The following TPO variants were observed in gnomAD, a reference collection of about 807,000 sequenced individuals.
TPO encodes the protein thyroid microsomal antigen.
A neutral mutation model predicts 96.9 loss-of-function variants in TPO; 78 were observed. The ratio of observed to expected loss-of-function variants is 0.81; its 90% CI spans 0.67 to 0.97. The LOEUF (loss-of-function observed/expected upper bound fraction) is 0.97, where lower values mean the gene tolerates loss of function less well. Among genes scored for constraint, TPO ranks in the 50% least tolerant of loss-of-function variants. The pLI is 0.00. For synonymous variants in TPO, 547 were observed against 538.0 expected (o/e 1.02, Z -0.23); for missense variants, 1,252 against 1,274.8 (o/e 0.98, Z 0.27).
rs1680940790 is a variant in TPO, at chr2:1,543,525, G to A, written c.*1051G>A. The stretch of plus-strand genomic sequence containing the variant: ...CTCTACTGTTATGTAGAGAAAGCAT[G>A]GTTTGCTTTTTATAACTTTTGTGAC... On this transcript the variant is annotated 3_prime_UTR_variant, in exon 17 of 17. Coordinates refer to ENST00000329066, the MANE Select transcript of TPO (RefSeq NM_001206744.2). 6.6e-6 allele frequency: 1 copy of A among 152,092 alleles called. No individual in the cohort carries two copies. The highest frequency in any genetic ancestry group is 2.4e-5 in the African/African-American group (1 of 41,418). The allele number at this position is 152,092 out of a possible 1,614,324, so 9.4% of individuals were successfully genotyped here.
Position 1,540,684 on chromosome 2 carries a change from GACCTC to G in TPO, c.2713_2717del (p.Ser905AlafsTer74). ...GATGCGGAAAGCACCAGGCCGTAGG[GACCTC>G]ACCGCAGCGGGCCGCAGCTCAGGAC... On this transcript the variant is annotated frameshift_variant, in exon 16 of 17. Transcript: ENST00000329066. LOFTEE classifies it low-confidence loss of function (END_TRUNC). 6.2e-7 allele frequency: 1 copy of G among 1,613,304 alleles called. No individual in the cohort carries two copies. Among genetic ancestry groups the G allele is most frequent in the Non-Finnish European group, 8.5e-7 (1 of 1,180,052 alleles).
chr2:1,489,986 A>C (rs530037593), intron 10 of TPO, among the ~76,000 whole-genome samples: 22 of 119,662 alleles, frequency 1.8e-4, no homozygotes, highest in African/African-American at 6.7e-4. Context: ...ACACAGGGGG[A>C]GTCACGACAC....
intron 1 of TPO, among the ~76,000 whole-genome samples, chr2:1,383,794 G>C (rs926660301): frequency 9.9e-5 from 15 of 152,136 alleles, no homozygotes; most frequent in Non-Finnish European, 1.5e-4. Context: ...TGACGTCCTT[G>C]CCCATGCCTA....
At chr2:1,482,231 C>T (rs1397470600) in intron 8 of TPO, among the ~76,000 whole-genome samples, 1 of 152,228 alleles carries the variant, frequency 6.6e-6, no homozygotes, top group Non-Finnish European at 1.5e-5. Flanking sequence ...GTCCTGGTCT[C>T]CCCGTGTGCT....
intron 1 of TPO, among the ~76,000 whole-genome samples, chr2:1,376,156 T>C (rs561447907): frequency 2.0e-5 from 3 of 152,270 alleles, no homozygotes; most frequent in South Asian, 2.1e-4. Flanking sequence ...AAATTATCCA[T>C]TGTAGAGCTA....
At chr2:1,395,108 C>T (rs1195238404) in intron 1 of TPO, among the ~76,000 whole-genome samples, 2 of 152,118 alleles carry the variant, frequency 1.3e-5, no homozygotes, top group Non-Finnish European at 1.5e-5. Flanking sequence ...GCAAAACAAA[C>T]ACAAACAAAG....
chr2:1,525,461 C>A (rs1573550690), intron 15 of TPO, among the ~76,000 whole-genome samples: 1 of 101,090 alleles, frequency 9.9e-6, no homozygotes, highest in Admixed American at 1.1e-4. Context: ...GTTTGCAACA[C>A]CCCCAAATTT....
At chr2:1,541,598 C>G (rs1348811401) in intron 16 of TPO, 1 of 152,252 alleles carries the variant, frequency 6.6e-6, no homozygotes, top group Admixed American at 6.5e-5. Flanking sequence ...CCCAAGAGAT[C>G]CTCCAGTCTG....
At chr2:1,493,773 A>G (rs1371848502) in intron 10 of TPO, 29 bp from the exon 11 acceptor site, 5 of 1,612,848 alleles carry the variant, frequency 3.1e-6, no homozygotes, top group Non-Finnish European at 3.4e-6. Flanking sequence ...GTTCTGTGAG[A>G]GAAACCCTGC....
chr2:1,422,625 CAAAT>C (rs71886300), intron 2 of TPO, among the ~76,000 whole-genome samples: 2,439 of 152,248 alleles, frequency 0.016, 78 homozygotes, highest in African/African-American at 0.055. Flanking sequence ...GGTGCTAAAA[CAAAT>C]AACACAGGAG....
At chr2:1,530,219 T>C (rs74400168) in intron 15 of TPO, among the ~76,000 whole-genome samples, 1 of 8,964 alleles carries the variant, frequency 1.1e-4, no homozygotes, top group Non-Finnish European at 1.8e-4. Context: ...GTGTGCAACC[T>C]CCTCTAGTCC....
chr2:1,461,793 G>C (rs547780983), intron 7 of TPO, among the ~76,000 whole-genome samples: 23 of 152,228 alleles, frequency 1.5e-4, no homozygotes, highest in Non-Finnish European at 2.6e-4. Flanking sequence ...CATGCACACA[G>C]CTGCTCCAGG....
rs180898886 is a variant in TPO at position 1,439,661 on chromosome 2, C to T, written c.482+3277C>T. On this transcript the variant is annotated intron_variant, in intron 5 of 16. Transcript: ENST00000329066. ...AGATACAGCCTCGTGGTCATCAGAC[C>T]CCAGGTCGCTGCTGTCTCTGGAGTT... Among the ~76,000 whole-genome samples, 7 of 152,226 alleles carry T rather than the reference C, an allele frequency of 4.6e-5. No homozygotes were observed. The East Asian group carries it at 1.4e-3, about 30-fold the overall frequency.
intron 14 of TPO, among the ~76,000 whole-genome samples, chr2:1,513,807 G>A (rs1032348457): frequency 2.0e-5 from 3 of 152,162 alleles, no homozygotes; most frequent in South Asian, 2.1e-4. Context: ...TATAGATACT[G>A]ATTGTGGGTA....
chr2:1,442,424 C>A (rs1666289095), intron 5 of TPO, among the ~76,000 whole-genome samples: 1 of 152,024 alleles, frequency 6.6e-6, no homozygotes. Flanking sequence ...TTACCACATG[C>A]AATGTTAGAC....
chr2:1,460,466 C>T (rs1021765894), intron 7 of TPO, among the ~76,000 whole-genome samples: 11 of 152,146 alleles, frequency 7.2e-5, no homozygotes, highest in African/African-American at 2.7e-4. Flanking sequence ...TCTTGGGTTC[C>T]AGGCTTGCCT....
At chr2:1,482,303 A>T (rs1670725755) in intron 8 of TPO, among the ~76,000 whole-genome samples, 1 of 152,166 alleles carries the variant, frequency 6.6e-6, no homozygotes, top group Non-Finnish European at 1.5e-5. Context: ...CCTTTCAGTC[A>T]TTCCCACTGG....
intron 1 of TPO, among the ~76,000 whole-genome samples, chr2:1,387,644 C>T (rs138110280): frequency 0.012 from 1,820 of 152,278 alleles, 41 homozygotes; most frequent in African/African-American, 0.041. Context: ...AACTTCTTTG[C>T]GATGGGCTCG....
At chr2:1,415,359 C>T (rs1442455420) in intron 2 of TPO, among the ~76,000 whole-genome samples, 31 of 132,050 alleles carry the variant, frequency 2.3e-4, no homozygotes, top group Non-Finnish European at 3.4e-4. Flanking sequence ...GGTGACACTT[C>T]GCCGGGCAGG....
Sources: allele counts gnomAD v4.1 joint callset (sites outside exome capture counted in the v4.1 genomes callset), GRCh38; gene constraint gnomAD v4.1.1; transcripts MANE v1.5; gene names NCBI Gene and HGNC (gene_info 2026-07-23, HGNC 2026-07-21).